Variants in TUBGCP3 observed in about 807,000 individuals in gnomAD.
The protein encoded by TUBGCP3 is tubulin gamma complex component 3.
TUBGCP3 carries 50 observed loss-of-function variants against 123.1 expected under a neutral mutation model. The ratio of observed to expected loss-of-function variants is 0.41; its 90% confidence interval spans 0.32 to 0.51. The LOEUF (loss-of-function observed/expected upper bound fraction) is 0.51. Among genes scored for constraint, TUBGCP3 ranks in the 20% least tolerant of loss-of-function variants. The pLI, the probability that TUBGCP3 is intolerant of heterozygous loss-of-function variation, is 0.36. For synonymous variants in TUBGCP3, 405 were observed against 413.9 expected, an observed-to-expected ratio of 0.98 and a Z score of 0.26; for missense variants, 882 against 1,127.0, an observed-to-expected ratio of 0.78 and a Z score of 3.11.
chr13:112,489,858 T>C (rs1340746688), intron 20 of TUBGCP3, 161 bp from the exon 21 acceptor site: 2 of 594,728 alleles, frequency 3.4e-6, no homozygotes, highest in Non-Finnish European at 6.0e-6. Context: ...CAGACTGCTC[T>C]CCAGCTTACT....
intron 21 of TUBGCP3, among the ~76,000 whole-genome samples, chr13:112,486,827 T>C (rs894198515): frequency 6.6e-6 from 1 of 152,162 alleles, no homozygotes; most frequent in Admixed American, 6.5e-5. Context: ...TGCCACGGGG[T>C]GCTGATCTGT....
chr13:112,494,133 G>C (rs1212856403), intron 20 of TUBGCP3, among the ~76,000 whole-genome samples: 2 of 145,176 alleles, frequency 1.4e-5, no homozygotes, highest in African/African-American at 2.6e-5. Context: ...GGCCTGGTGT[G>C]CCTGAGACGC....
chr13:112,560,409 G>A (rs1181874184), intron 3 of TUBGCP3, among the ~76,000 whole-genome samples: 1 of 150,274 alleles, frequency 6.7e-6, no homozygotes, highest in Non-Finnish European at 1.5e-5. Context: ...CAGCCTGGGC[G>A]ACAGAGCGAG....
the TUBGCP3 span, among the ~76,000 whole-genome samples, chr13:112,594,242 T>G: frequency 6.6e-6 from 1 of 152,226 alleles, no homozygotes; most frequent in Non-Finnish European, 1.5e-5. Context: ...AGGTACAACT[T>G]TTTAACAAAG....
chr13:112,563,356 T>C (rs1441121118), intron 3 of TUBGCP3, among the ~76,000 whole-genome samples: 1 of 152,194 alleles, frequency 6.6e-6, no homozygotes, highest in Non-Finnish European at 1.5e-5. Context: ...GCTACTAACC[T>C]GAATCTCCTA....
chr13:112,521,174 A>G (rs1286896165), intron 14 of TUBGCP3, among the ~76,000 whole-genome samples: 4 of 152,162 alleles, frequency 2.6e-5, no homozygotes, highest in Non-Finnish European at 5.9e-5. Flanking sequence ...TTCCCCTTTA[A>G]AAGCTCATCA....
At chr13:112,518,216 G>A (rs971775219) in intron 16 of TUBGCP3, among the ~76,000 whole-genome samples, 1 of 152,184 alleles carries the variant, frequency 6.6e-6, no homozygotes, top group South Asian at 2.1e-4. Context: ...TATTGCAGCA[G>A]CGTGATATGC....
chr13:112,533,808 T>C (rs146901594), intron 11 of TUBGCP3, among the ~76,000 whole-genome samples: 1,509 of 145,966 alleles, frequency 0.01, 20 homozygotes, highest in East Asian at 0.026. Flanking sequence ...TCTTTTTTTT[T>C]TTTTTTTTAA....
intron 8 of TUBGCP3, among the ~76,000 whole-genome samples, chr13:112,550,877 T>C (rs920846395): frequency 1.3e-5 from 2 of 152,172 alleles, no homozygotes; most frequent in African/African-American, 2.4e-5. Context: ...GGCGGGCAGA[T>C]CATGAGGTCA....
intron 1 of TUBGCP3, among the ~76,000 whole-genome samples, chr13:112,580,944 T>C (rs1268329702): frequency 6.6e-6 from 1 of 152,242 alleles, no homozygotes; most frequent in African/African-American, 2.4e-5. Context: ...GCTCACTTGC[T>C]TCCACCTTTG....
intron 1 of TUBGCP3, among the ~76,000 whole-genome samples, chr13:112,579,235 C>T (rs907189951): frequency 6.6e-6 from 1 of 152,272 alleles, no homozygotes; most frequent in Non-Finnish European, 1.5e-5. Context: ...TCACAACACA[C>T]TTGCTAGAAT....
chr13:112,539,634 C>T (rs1878337435), intron 11 of TUBGCP3, among the ~76,000 whole-genome samples: 1 of 152,228 alleles, frequency 6.6e-6, no homozygotes, highest in South Asian at 2.1e-4. Context: ...AGAGCTCTAT[C>T]TAATCTCAGA....
chr13:112,502,131 C>T (rs942465924), intron 19 of TUBGCP3, among the ~76,000 whole-genome samples: 4 of 152,202 alleles, frequency 2.6e-5, no homozygotes, highest in Non-Finnish European at 5.9e-5. Context: ...TAGCAACTAA[C>T]ACCTATCTGC....
rs1410388109 is a variant in TUBGCP3 at position 112,508,950 on chromosome 13, G to T, written c.2087-4236C>A. Among the ~76,000 whole-genome samples the T allele has an allele frequency of 6.6e-6, 1 of 152,190 alleles. No individual in the cohort carries two copies. Among genetic ancestry groups the T allele is most frequent in the Admixed American group, 6.5e-5 (1 of 15,272 alleles). ...ATAAAGGCCAACGTCACCGCACACG[G>T]ATTATTACAACTGGCTGCCCTGCTA... On this transcript the variant is annotated intron_variant, in intron 17 of 21. Transcript: ENST00000261965. This position sits in a 1 kb window ranked among gnomAD's most constrained non-coding sequence, Gnocchi z 4.2.
intron 20 of TUBGCP3, among the ~76,000 whole-genome samples, chr13:112,496,792 C>A (rs1043678530): frequency 6.6e-6 from 1 of 152,148 alleles, no homozygotes; most frequent in Non-Finnish European, 1.5e-5. Flanking sequence ...CGAGACCATC[C>A]TGGCTAACAC....
intron 4 of TUBGCP3, among the ~76,000 whole-genome samples, chr13:112,558,928 G>A (rs1235079130): frequency 6.6e-6 from 1 of 152,150 alleles, no homozygotes; most frequent in Non-Finnish European, 1.5e-5. Context: ...CACTGAGCCC[G>A]GTGATGACAG....
rs149292364 is a variant in TUBGCP3 at position 112,516,826 on chromosome 13, C to T, written c.1951-251G>A. On this transcript the variant is annotated intron_variant, in intron 16 of 21. Transcript: ENST00000261965. ...CATTTTAGACTAGTCTAAACCTAGT[C>T]TAAAATGTGGACTCTTCACTACAAC... 3.3e-3 allele frequency among the ~76,000 whole-genome samples: 504 copies of T among 152,136 alleles called. 1 individual carries two copies. The highest frequency in any genetic ancestry group is 3.7e-3 in the South Asian group (18 of 4,820).
At chr13:112,546,089 T>C (rs973173008) in intron 10 of TUBGCP3, 15 of 492,858 alleles carry the variant, frequency 3.0e-5, no homozygotes, top group South Asian at 1.0e-4. Flanking sequence ...TGTGAGTCAC[T>C]CTTCTCTTTA....
intron 7 of TUBGCP3, 149 bp from the exon 8 acceptor site, chr13:112,554,331 A>AG (rs1415993286): frequency 1.0e-6 from 1 of 970,088 alleles, no homozygotes; most frequent in Non-Finnish European, 1.5e-6. Flanking sequence ...ACTAAAGGGA[A>AG]GGAAAGCACA....
Sources: gnomAD v4.1 joint callset for allele counts (sites outside exome capture counted in the v4.1 genomes callset) on GRCh38, gnomAD v4.1.1 for gene constraint, Gnocchi (gnomAD v3.1) non-coding constraint, MANE v1.5 for transcripts, NCBI Gene and HGNC (gene_info 2026-07-23, HGNC 2026-07-21) for gene names.